ACOT1: variants seen among roughly 807,000 people sequenced by gnomAD.
ACOT1 encodes acyl-coenzyme A thioesterase 1.
Under a neutral mutation model 15.7 loss-of-function variants are expected in ACOT1, and 8 were observed. The observed-to-expected ratio is 0.51, with a 90% confidence interval of 0.30 to 0.92. The LOEUF (loss-of-function observed/expected upper bound fraction) is 0.92. Among genes scored for constraint, ACOT1 ranks in the 40% least tolerant of loss-of-function variants. The pLI, the probability that ACOT1 is intolerant of heterozygous loss-of-function variation, is 0.06. For missense variants in ACOT1, 151 were observed against 539.4 expected (o/e 0.28, Z 7.13); for synonymous variants, 67 against 241.2 (o/e 0.28, Z 6.69).
At chr14:73,503,392 C>T in the ACOT1 span, among the ~76,000 whole-genome samples, 1 of 152,190 alleles carries the variant, frequency 6.6e-6, no homozygotes. Flanking sequence ...TTGCCTGGGA[C>T]TCTCCTGGTT....
chr14:73,513,604 G>A, the ACOT1 span, among the ~76,000 whole-genome samples: 8 of 151,062 alleles, frequency 5.3e-5, no homozygotes, highest in Non-Finnish European at 8.9e-5. Context: ...GCGGGTGCCT[G>A]TAATCCTAGC....
At chr14:73,491,216 A>T in the ACOT1 span, 1 of 1,590,526 alleles carries the variant, frequency 6.3e-7, no homozygotes, top group Non-Finnish European at 8.6e-7. Context: ...GGAGGAATCG[A>T]GGGTGGAGTC....
At chr14:73,521,090 T>A in the ACOT1 span, 1 of 1,473,710 alleles carries the variant, frequency 6.8e-7, no homozygotes, top group Non-Finnish European at 9.4e-7. Context: ...AGGAGGTGGA[T>A]CCCCCTTTCC....
At chr14:73,526,832 T>C in the ACOT1 span, among the ~76,000 whole-genome samples, 3 of 152,246 alleles carry the variant, frequency 2.0e-5, no homozygotes, top group East Asian at 1.9e-4. Context: ...GATCCAATAC[T>C]GTACTGGTCT....
At chr14:73,496,549 A>G in the ACOT1 span, 1 of 1,104,350 alleles carries the variant, frequency 9.1e-7, no homozygotes. Context: ...GGTCTGAGGA[A>G]CTCTTGAGAG....
At chr14:73,535,469 C>CTTTTTTTTTTTTTTTTTTTTTTTTTTT (rs869167008), upstream of ACOT1, among the ~76,000 whole-genome samples, 7 of 16,534 alleles carry the variant, frequency 4.2e-4, 2 homozygotes, top group Non-Finnish European at 1.7e-3. Flanking sequence ...TTTCTTCTTT[C>CTTTTTTTTTTTTTTTTTTTTTTTTTTT]TTTTTTTTTT....
chr14:73,529,696 C>T, the ACOT1 span, among the ~76,000 whole-genome samples: 2 of 152,172 alleles, frequency 1.3e-5, no homozygotes, highest in African/African-American at 2.4e-5. Context: ...TGGTCTGATA[C>T]CTTTATCCTG....
the ACOT1 span, chr14:73,498,484 G>A: frequency 1.5e-6 from 1 of 675,228 alleles, no homozygotes; most frequent in Non-Finnish European, 2.4e-6. Flanking sequence ...AGGTCAGAAT[G>A]GGACATTACC....
the ACOT1 span, chr14:73,522,973 C>T: frequency 2.0e-4 from 329 of 1,614,226 alleles, no homozygotes; most frequent in East Asian, 7.0e-3. Flanking sequence ...AATATTGGCT[C>T]TTGCGGTGTA....
intron 1 of ACOT1, among the ~76,000 whole-genome samples, chr14:73,540,211 A>T (rs1409564431): frequency 1.3e-5 from 2 of 150,910 alleles, no homozygotes; most frequent in African/African-American, 4.8e-5. Context: ...TAAATATGTT[A>T]TTCTACTTGT....
the ACOT1 span, among the ~76,000 whole-genome samples, chr14:73,504,692 T>C: frequency 6.6e-5 from 10 of 152,318 alleles, no homozygotes; most frequent in Non-Finnish European, 1.5e-4. Context: ...GATTTTGTGC[T>C]TCCCATATCA....
the ACOT1 span, among the ~76,000 whole-genome samples, chr14:73,526,444 G>A: frequency 3.9e-5 from 6 of 152,202 alleles, no homozygotes; most frequent in East Asian, 1.9e-4. Context: ...GTGTGACCGC[G>A]TGTGACACCA....
the ACOT1 span, among the ~76,000 whole-genome samples, chr14:73,504,939 G>T: frequency 2.1e-4 from 31 of 145,902 alleles, no homozygotes; most frequent in East Asian, 2.0e-3. Flanking sequence ...CAGTTGGTTT[G>T]TTTTTTTTTT....
At chr14:73,511,894 GTT>G in the ACOT1 span, 1 of 1,346,280 alleles carries the variant, frequency 7.4e-7, no homozygotes, top group Non-Finnish European at 1.0e-6. Context: ...CTAAGTCTTG[GTT>G]TCCACATTTG....
the ACOT1 span, chr14:73,502,904 T>C: frequency 6.2e-7 from 1 of 1,611,930 alleles, no homozygotes; most frequent in Non-Finnish European, 8.5e-7. Context: ...CCTGATTATG[T>C]CGTGCACCTC....
chr14:73,494,193 A>G, the ACOT1 span, among the ~76,000 whole-genome samples: 1 of 152,160 alleles, frequency 6.6e-6, no homozygotes, highest in Non-Finnish European at 1.5e-5. Flanking sequence ...GAATATTCTC[A>G]TGGTTGGTGG....
chr14:73,513,686 C>T, the ACOT1 span, among the ~76,000 whole-genome samples: 3 of 126,894 alleles, frequency 2.4e-5, no homozygotes, highest in Non-Finnish European at 4.7e-5. Flanking sequence ...GAGATCCCAC[C>T]GTTGCACTCC....
At chr14:73,531,822 C>G in the ACOT1 span, among the ~76,000 whole-genome samples, 15 of 111,366 alleles carry the variant, frequency 1.3e-4, 5 homozygotes, top group African/African-American at 4.4e-4. Context: ...GAGTTCGAGA[C>G]CAGCCTGACC....
the ACOT1 span, among the ~76,000 whole-genome samples, chr14:73,515,221 C>A: frequency 6.8e-3 from 1,033 of 152,216 alleles, 22 homozygotes; most frequent in East Asian, 0.038. Flanking sequence ...GTACTAAATT[C>A]ATTATTCACA....
Sources: allele counts gnomAD v4.1 joint callset (sites outside exome capture counted in the v4.1 genomes callset), GRCh38; gene constraint gnomAD v4.1.1; transcripts MANE v1.5; gene names NCBI Gene and HGNC (gene_info 2026-07-23, HGNC 2026-07-21).